FBLN5: variants seen among roughly 807,000 people sequenced by gnomAD.
FBLN5 encodes fibulin-5.
In FBLN5, 24 loss-of-function variants were observed where a neutral mutation model predicts 61.6. The observed-to-expected ratio is 0.39, with a 90% CI of 0.28 to 0.55. The LOEUF (loss-of-function observed/expected upper bound fraction) is 0.55. Among genes scored for constraint, FBLN5 ranks in the 20% least tolerant of loss-of-function variants. The pLI is 0.65. For synonymous variants in FBLN5, 213 were observed against 219.8 expected (o/e 0.97, Z 0.27); for missense variants, 470 against 594.1 (o/e 0.79, Z 2.17).
At chr14:91,899,206 A>G (rs1890356865) in intron 4 of FBLN5, among the ~76,000 whole-genome samples, 1 of 152,090 alleles carries the variant, frequency 6.6e-6, no homozygotes, top group African/African-American at 2.4e-5. Context: ...GGCATCAAGC[A>G]TATTCCCTCC....
At chr14:91,946,668 T>C (rs1364927607) in intron 1 of FBLN5, 2 of 1,449,906 alleles carry the variant, frequency 1.4e-6, no homozygotes, top group Non-Finnish European at 1.9e-6. Context: ...ATTACTTAAC[T>C]GTAATTGCAA....
chr14:91,907,498 G>A (rs963069347), intron 4 of FBLN5, among the ~76,000 whole-genome samples: 16 of 152,146 alleles, frequency 1.1e-4, no homozygotes, highest in Non-Finnish European at 2.2e-4. Flanking sequence ...GGAACAGCAC[G>A]TGCAAGAGCA....
Position 91,873,235 on chromosome 14 carries a change from A to G in FBLN5, c.1186-2850T>C, listed in dbSNP as rs975906694. Among the ~76,000 whole-genome samples the G allele has an allele frequency of 2.0e-5, 3 of 152,342 alleles. 1 individual carries two copies. The highest frequency in any genetic ancestry group is 2.4e-5 in the African/African-American group (1 of 41,582). ...AAACCCCTGAGAGCCCGTGGGCATT[A>G]GTAGGCTTGGTGGTGCGAAAAGATG... is the stretch of plus-strand genomic sequence containing the variant. On this transcript the variant is annotated intron_variant, in intron 10 of 10. Transcript: ENST00000342058.
intron 5 of FBLN5, 100 bp downstream of exon 5, chr14:91,894,850 G>T: frequency 4.4e-6 from 1 of 229,238 alleles, no homozygotes; most frequent in South Asian, 3.8e-5. Context: ...GCAAAGAAAA[G>T]CTTACTACCC....
chr14:91,927,359 A>G (rs1167967160), intron 4 of FBLN5, among the ~76,000 whole-genome samples: 1 of 152,182 alleles, frequency 6.6e-6, no homozygotes, highest in Non-Finnish European at 1.5e-5. Flanking sequence ...TGCAGATGCT[A>G]TGCAGACACC....
intron 4 of FBLN5, among the ~76,000 whole-genome samples, chr14:91,917,547 G>A (rs189585831): frequency 1.7e-5 from 2 of 119,600 alleles, no homozygotes; most frequent in Non-Finnish European, 3.2e-5. Context: ...CTGCGCTCCA[G>A]CCTGGGTGAC....
intron 4 of FBLN5, among the ~76,000 whole-genome samples, chr14:91,897,992 G>A (rs1385606832): frequency 2.0e-5 from 3 of 152,144 alleles, no homozygotes; most frequent in African/African-American, 7.2e-5. Flanking sequence ...TGAGCCTATG[G>A]TGAGCCAAGA....
At chr14:91,937,343 C>A in intron 3 of FBLN5, 142 bp from the exon 4 acceptor site, 1 of 1,047,170 alleles carries the variant, frequency 9.5e-7, no homozygotes, top group Non-Finnish European at 1.4e-6. Context: ...GGTAAGGTAC[C>A]CCAAATGTTG....
chr14:91,947,156 A>G lies in FBLN5; in HGVS notation c.17+57T>C. ...GCCATAACCATTTTCCACCCATCGG[A>G]TTTTTAGCAAGGCTTCCAGACCCTG... On this transcript the variant is annotated intron_variant, in intron 1 of 10. Transcript: ENST00000342058. This position sits in a 1 kb window ranked among gnomAD's most constrained non-coding sequence, Gnocchi z 4.3. 1 of 1,613,122 alleles carries G rather than the reference A, an allele frequency of 6.2e-7. No individual in the cohort carries two copies. The highest frequency in any genetic ancestry group is 1.1e-5 in the South Asian group (1 of 91,026).
chr14:91,919,406 G>A (rs1171737770), intron 4 of FBLN5, among the ~76,000 whole-genome samples: 2 of 149,878 alleles, frequency 1.3e-5, no homozygotes, highest in East Asian at 3.9e-4. Flanking sequence ...AGGAAGGAAG[G>A]AAGGAAGGAA....
In FBLN5 at chr14:91,882,697, G is replaced by C. The variant is rs1889534005; in HGVS notation, c.862+257C>G. Among the ~76,000 whole-genome samples, 1 of 152,246 alleles carries C rather than the reference G, an allele frequency of 6.6e-6. No individual in the cohort carries two copies. Among genetic ancestry groups the C allele is most frequent in the African/African-American group, 2.4e-5 (1 of 41,456 alleles). The stretch of plus-strand genomic sequence containing the variant: ...AAGCCACGCTTAGAGGCTGCCGTCT[G>C]CATCTGCAGAGTTCATTACAGAAGT... On this transcript the variant is annotated intron_variant, in intron 8 of 10. Coordinates refer to ENST00000342058, the MANE Select transcript of FBLN5 (RefSeq NM_006329.4). The surrounding 1 kb of genome is among the most constrained non-coding windows in gnomAD (Gnocchi z 4.9).
At chr14:91,939,785 G>C in intron 3 of FBLN5, 2 of 363,256 alleles carry the variant, frequency 5.5e-6, no homozygotes, top group Non-Finnish European at 1.1e-5. Flanking sequence ...CCTGTGAATA[G>C]GTTGGGTTAC....
At chr14:91,897,907 G>A (rs889473264) in intron 4 of FBLN5, among the ~76,000 whole-genome samples, 1 of 151,990 alleles carries the variant, frequency 6.6e-6, no homozygotes, top group African/African-American at 2.4e-5. Flanking sequence ...AAAATTAATC[G>A]GGTGTGGTGG....
At chr14:91,918,479 C>G (rs2055668090) in intron 4 of FBLN5, among the ~76,000 whole-genome samples, 1 of 152,178 alleles carries the variant, frequency 6.6e-6, no homozygotes, top group Non-Finnish European at 1.5e-5. Flanking sequence ...ATTGAAGAGT[C>G]TCTCCAAGAC....
chr14:91,917,186 T>C (rs1166784875), intron 4 of FBLN5, among the ~76,000 whole-genome samples: 20 of 152,148 alleles, frequency 1.3e-4, no homozygotes, highest in Admixed American at 1.2e-3. Flanking sequence ...GAGATAGTCA[T>C]TGGAGAGAGA....
chr14:91,925,474 C>T (rs2055812141), intron 4 of FBLN5, among the ~76,000 whole-genome samples: 1 of 152,194 alleles, frequency 6.6e-6, no homozygotes, highest in South Asian at 2.1e-4. Context: ...CCAAGACAAA[C>T]AGGAGCCTCG....
At chr14:91,903,887 A>G (rs1890564774) in intron 4 of FBLN5, among the ~76,000 whole-genome samples, 1 of 152,204 alleles carries the variant, frequency 6.6e-6, no homozygotes, top group Non-Finnish European at 1.5e-5. Flanking sequence ...TAACCTCATC[A>G]GTTGTCTGGC....
intron 9 of FBLN5, among the ~76,000 whole-genome samples, chr14:91,880,478 T>C (rs1020434941): frequency 2.0e-5 from 3 of 152,106 alleles, no homozygotes; most frequent in Non-Finnish European, 4.4e-5. Flanking sequence ...TTTGCATAGC[T>C]CTGGCATGAG....
At position 91,883,683 on chromosome 14, in the gene FBLN5, A is replaced by G. The variant is rs1473777105; in HGVS notation, c.740-607T>C. 3.3e-5 allele frequency among the ~76,000 whole-genome samples: 5 copies of G among 150,934 alleles called. No homozygotes were observed. The East Asian group carries it at 9.8e-4, about 29-fold the overall frequency. Reference sequence around the variant, plus strand: ...AAAAAAAACACACACACACAAAAACAAAAACAAACAAAAAAACTGCCTGAA... The same window carrying G: ...AAAAAAAACACACACACACAAAAACGAAAACAAACAAAAAAACTGCCTGAA... On this transcript the variant is annotated intron_variant, in intron 7 of 10. Coordinates refer to ENST00000342058, the MANE Select transcript of FBLN5 (RefSeq NM_006329.4).
Sources: allele counts gnomAD v4.1 joint callset (sites outside exome capture counted in the v4.1 genomes callset), GRCh38; gene constraint gnomAD v4.1.1; non-coding constraint Gnocchi (gnomAD v3.1); transcripts MANE v1.5; gene names NCBI Gene and HGNC (gene_info 2026-07-23, HGNC 2026-07-21).